TMEM132D: variants seen among roughly 807,000 people sequenced by gnomAD.
TMEM132D encodes mature OL transmembrane protein.
In TMEM132D, 21 loss-of-function variants were observed where a neutral mutation model predicts 62.3. That is an observed-to-expected ratio of 0.34 (90% CI 0.24 to 0.49). The LOEUF (loss-of-function observed/expected upper bound fraction) is 0.49, where lower values mean the gene tolerates loss of function less well. Among genes scored for constraint, TMEM132D ranks in the 20% least tolerant of loss-of-function variants. The pLI, the probability that TMEM132D is intolerant of heterozygous loss-of-function variation, is 0.99. For missense variants in TMEM132D, 1,346 were observed against 1,402.8 expected, an observed-to-expected ratio of 0.96 and a Z score of 0.65; for synonymous variants, 621 against 575.6, an observed-to-expected ratio of 1.08 and a Z score of -1.13.
chr12:129,607,591 G>T (rs143080991), intron 2 of TMEM132D, among the ~76,000 whole-genome samples: 2 of 152,228 alleles, frequency 1.3e-5, no homozygotes, highest in Non-Finnish European at 2.9e-5. Flanking sequence ...AATTCCAAGG[G>T]CTTAGAGGCT....
intron 1 of TMEM132D, among the ~76,000 whole-genome samples, chr12:129,866,385 T>C (rs1444516780): frequency 5.6e-5 from 8 of 142,948 alleles, no homozygotes; most frequent in Non-Finnish European, 7.5e-5. Context: ...TAGGTGGGAA[T>C]TGAACAATGA....
chr12:129,230,138 C>T (rs1400119193), intron 4 of TMEM132D, among the ~76,000 whole-genome samples: 1 of 152,234 alleles, frequency 6.6e-6, no homozygotes, highest in African/African-American at 2.4e-5. Flanking sequence ...GACTTCATAA[C>T]CTGCTGACCA....
intron 2 of TMEM132D, among the ~76,000 whole-genome samples, chr12:129,651,614 A>G (rs1362290246): frequency 6.6e-6 from 1 of 152,244 alleles, no homozygotes; most frequent in Admixed American, 6.5e-5. Flanking sequence ...ATCTGGCACC[A>G]TAATCACTTT....
chr12:129,641,704 A>C (rs1017698087), intron 2 of TMEM132D, among the ~76,000 whole-genome samples: 1 of 152,092 alleles, frequency 6.6e-6, no homozygotes, highest in African/African-American at 2.4e-5. Context: ...TGGAGCCCTG[A>C]GACTCCCATT....
At chr12:129,304,247 C>G (rs1313837539) in intron 4 of TMEM132D, among the ~76,000 whole-genome samples, 1 of 152,218 alleles carries the variant, frequency 6.6e-6, no homozygotes, top group Non-Finnish European at 1.5e-5. Flanking sequence ...TCTACACTTG[C>G]AACACCATGC....
chr12:129,408,141 T>G, intron 3 of TMEM132D, among the ~76,000 whole-genome samples: 1 of 151,842 alleles, frequency 6.6e-6, no homozygotes, highest in African/African-American at 2.4e-5. Context: ...TGCATTAGCC[T>G]TTAACACACA....
At chr12:129,759,554 G>A (rs1307137888) in intron 1 of TMEM132D, among the ~76,000 whole-genome samples, 2 of 152,216 alleles carry the variant, frequency 1.3e-5, no homozygotes, top group African/African-American at 2.4e-5. Flanking sequence ...CTGTAAAAGA[G>A]AGTTTATTCC....
chr12:129,723,796 G>A (rs1868930601), intron 1 of TMEM132D, among the ~76,000 whole-genome samples: 2 of 152,178 alleles, frequency 1.3e-5, no homozygotes, highest in Admixed American at 1.3e-4. Flanking sequence ...CATGCCAGGA[G>A]CCAGCACAAT....
intron 1 of TMEM132D, among the ~76,000 whole-genome samples, chr12:129,768,880 C>G (rs192633442): frequency 2.0e-5 from 3 of 152,204 alleles, no homozygotes; most frequent in Non-Finnish European, 4.4e-5. Flanking sequence ...GGATTTTCAA[C>G]GAACTTTTAG....
intron 2 of TMEM132D, among the ~76,000 whole-genome samples, chr12:129,678,549 T>C (rs906576904): frequency 6.6e-6 from 1 of 152,164 alleles, no homozygotes; most frequent in African/African-American, 2.4e-5. Context: ...TCATACATAC[T>C]GCATTCTAAT....
At chr12:129,076,829 T>G (rs968826152) in intron 8 of TMEM132D, among the ~76,000 whole-genome samples, 1 of 152,212 alleles carries the variant, frequency 6.6e-6, no homozygotes, top group African/African-American at 2.4e-5. Context: ...CCTTCTGGCC[T>G]TCTTCTAGCT....
At chr12:129,238,450 A>T (rs1879844525) in intron 4 of TMEM132D, among the ~76,000 whole-genome samples, 1 of 152,214 alleles carries the variant, frequency 6.6e-6, no homozygotes, top group African/African-American at 2.4e-5. Context: ...TGCAAAACTG[A>T]AACCCTACTC....
At chr12:129,714,104 A>C (rs1037009859) in intron 1 of TMEM132D, among the ~76,000 whole-genome samples, 2 of 152,118 alleles carry the variant, frequency 1.3e-5, no homozygotes, top group Non-Finnish European at 2.9e-5. Context: ...CCTCACGTGC[A>C]CTGAACTCAG....
At chr12:129,686,151 T>G (rs1203680301) in intron 2 of TMEM132D, among the ~76,000 whole-genome samples, 1 of 152,070 alleles carries the variant, frequency 6.6e-6, no homozygotes, top group East Asian at 1.9e-4. Flanking sequence ...CATGACTATG[T>G]TTTGAAGTGA....
intron 1 of TMEM132D, among the ~76,000 whole-genome samples, chr12:129,819,229 C>CCA (rs201960311): frequency 3.3e-5 from 5 of 151,768 alleles, no homozygotes; most frequent in Non-Finnish European, 5.9e-5. Flanking sequence ...TTCTACCTAC[C>CCA]CCACAGTGCC....
chr12:129,790,636 C>T (rs895409575), intron 1 of TMEM132D, among the ~76,000 whole-genome samples: 21 of 152,106 alleles, frequency 1.4e-4, no homozygotes, highest in East Asian at 1.2e-3. Context: ...GGGGGCAGGG[C>T]AGGCCATGGG....
At chr12:129,201,152 T>G (rs995657014) in intron 5 of TMEM132D, among the ~76,000 whole-genome samples, 5 of 152,142 alleles carry the variant, frequency 3.3e-5, no homozygotes, top group African/African-American at 1.2e-4. Flanking sequence ...TCTGAAATAT[T>G]TGGTGGATAC....
At position 129,108,131 on chromosome 12, in the gene TMEM132D, C is replaced by A. The variant is rs547059163; in HGVS notation, c.1444-23429G>T. Among the ~76,000 whole-genome samples, 8 of 152,304 alleles carry A rather than the reference C, an allele frequency of 5.3e-5. No homozygotes were observed. In the South Asian group the frequency reaches 1.7e-3, roughly 32 times the overall value. ...TAATCACTCCTGAAAATGTGCCAGA[C>A]ACTTACATGGTGTGGGGACAGTTAT... On this transcript the variant is annotated intron_variant, in intron 5 of 8. Coordinates refer to ENST00000422113, the MANE Select transcript of TMEM132D (RefSeq NM_133448.3).
chr12:129,609,406 C>T (rs1299088025), intron 2 of TMEM132D, among the ~76,000 whole-genome samples: 3 of 152,120 alleles, frequency 2.0e-5, no homozygotes, highest in East Asian at 1.9e-4. Context: ...TTGCCAAGGA[C>T]TCATCCCATC....
Sources: gnomAD v4.1 joint callset for allele counts (sites outside exome capture counted in the v4.1 genomes callset) on GRCh38, gnomAD v4.1.1 for gene constraint, MANE v1.5 for transcripts, NCBI Gene and HGNC (gene_info 2026-07-23, HGNC 2026-07-21) for gene names.